SMAD9: variants seen among roughly 807,000 people sequenced by gnomAD.
SMAD9 encodes MAD homolog 9.
Under a neutral mutation model 46.1 loss-of-function variants are expected in SMAD9, and 36 were observed. That is an observed-to-expected ratio of 0.78 (90% CI 0.60 to 1.03). SMAD9 has a LOEUF of 1.03. SMAD9 is among the 50% of genes least tolerant of loss of function. The probability of loss-of-function intolerance (pLI) is 0.00; values close to 1 mark genes in which losing one functional copy is unlikely to be tolerated. For synonymous variants in SMAD9, 245 were observed against 237.1 expected, an observed-to-expected ratio of 1.03 and a Z score of -0.31; for missense variants, 572 against 599.8, an observed-to-expected ratio of 0.95 and a Z score of 0.48.
chr13:36,860,575 G>A (rs903072466), intron 5 of SMAD9, among the ~76,000 whole-genome samples: 3 of 151,074 alleles, frequency 2.0e-5, no homozygotes, highest in Admixed American at 6.6e-5. Context: ...TCAGCCTCCC[G>A]AGTAGCTGGG....
intron 3 of SMAD9, 59 bp downstream of exon 3, chr13:36,872,599 A>C (rs1203446801): frequency 1.3e-6 from 2 of 1,555,250 alleles, no homozygotes; most frequent in African/African-American, 2.7e-5. Context: ...TGTTCATCAT[A>C]AATCATGATG....
chr13:36,846,466 T>A lies in SMAD9; in HGVS notation c.*2210A>T. 1.3e-5 allele frequency: 1 copy of A among 77,554 alleles called. No homozygotes were observed. The highest frequency in any genetic ancestry group is 2.2e-4 in the Admixed American group (1 of 4,596). 4.8% of individuals were successfully genotyped at this position (77,554 alleles called of 1,614,324 possible). A position where few individuals can be genotyped will look rare whatever the true frequency, so the allele number is the denominator to read the frequency against. On this transcript the variant is annotated 3_prime_UTR_variant, in exon 7 of 7. Transcript: ENST00000379826. ...CTCTGGCCTGGTGACACAGCGAGAC[T>A]CCATCTCAAAAAAAAAAAAAAAAAA...
chr13:36,911,781 TC>T (rs924664454), intron 1 of SMAD9, among the ~76,000 whole-genome samples: 78 of 152,308 alleles, frequency 5.1e-4, no homozygotes, highest in African/African-American at 1.9e-3. Context: ...CAATCTCAGC[TC>T]ACTGCAACCT....
rs182137303 is a variant in SMAD9 at position 36,879,342 on chromosome 13, T to C, written c.348A>G (p.Pro116=). The C allele has an allele frequency of 5.3e-5, 86 of 1,614,126 alleles. No homozygotes were observed. In the East Asian group the frequency reaches 1.6e-3, roughly 29 times the overall value. Residue 116 remains proline (P), a synonymous_variant, in exon 2 of 7, where the codon CCA becomes CCG. Coordinates refer to ENST00000379826, the MANE Select transcript of SMAD9 (RefSeq NM_001127217.3). ...ACACTTCTTTCTGCTTGGAGCCAAA[T>C]GGGAACTCACAGCACTCCAGCGGCT... ...ELKPLECCEF[P]FGSKQKEVCI...
chr13:36,886,845 A>G (rs1413804588), intron 1 of SMAD9, among the ~76,000 whole-genome samples: 1 of 152,020 alleles, frequency 6.6e-6, no homozygotes, highest in Non-Finnish European at 1.5e-5. Context: ...GAAAAATGCC[A>G]AGAGGGTGGC....
At chr13:36,873,929 G>C (rs983138219) in intron 2 of SMAD9, among the ~76,000 whole-genome samples, 3 of 152,136 alleles carry the variant, frequency 2.0e-5, no homozygotes, top group Admixed American at 2.0e-4. Context: ...ATGCTTTTCT[G>C]GGTTTCATTT....
intron 1 of SMAD9, among the ~76,000 whole-genome samples, chr13:36,907,486 A>T (rs906497471): frequency 2.0e-5 from 3 of 152,254 alleles, no homozygotes; most frequent in East Asian, 3.9e-4. Flanking sequence ...TGGGCAACAG[A>T]GCGAGACCCC....
At position 36,847,326 on chromosome 13, in the gene SMAD9, A is replaced by G. The variant is rs1372031103; in HGVS notation, c.*1350T>C. 1.3e-5 allele frequency: 2 copies of G among 152,186 alleles called. No homozygotes were observed. Among genetic ancestry groups the G allele is most frequent in the Non-Finnish European group, 2.9e-5 (2 of 68,032 alleles). 9.4% of individuals were successfully genotyped at this position (152,186 alleles called of 1,614,324 possible). A position where few individuals can be genotyped will look rare whatever the true frequency, so the allele number is the denominator to read the frequency against. ...CATCTTAAATTGTACATTTTTAAAG[A>G]GGGTGTGAAATATTTTTCCAAGCAA... On this transcript the variant is annotated 3_prime_UTR_variant, in exon 7 of 7. Transcript: ENST00000379826.
chr13:36,917,064 C>A (rs1375841497), intron 1 of SMAD9, among the ~76,000 whole-genome samples: 1 of 152,086 alleles, frequency 6.6e-6, no homozygotes, highest in African/African-American at 2.4e-5. Flanking sequence ...GAGCAGAATA[C>A]AAGTCAGGCA....
intron 1 of SMAD9, among the ~76,000 whole-genome samples, chr13:36,891,757 T>C (rs1443650426): frequency 2.6e-5 from 4 of 152,140 alleles, no homozygotes; most frequent in African/African-American, 7.2e-5. Context: ...AGTCTGAAAA[T>C]GCAGTTATGG....
At chr13:36,868,884 A>T (rs1190128620) in intron 3 of SMAD9, among the ~76,000 whole-genome samples, 1 of 152,208 alleles carries the variant, frequency 6.6e-6, no homozygotes, top group African/African-American at 2.4e-5. Context: ...CCAACAGCTA[A>T]TGAATTGATT....
intron 2 of SMAD9, among the ~76,000 whole-genome samples, chr13:36,873,672 A>C (rs1468744958): frequency 1.3e-5 from 2 of 152,134 alleles, no homozygotes; most frequent in Non-Finnish European, 2.9e-5. Context: ...AGACCAGCCT[A>C]GCCAACGTGG....
chr13:36,905,361 CTTT>C (rs1328725842), intron 1 of SMAD9, among the ~76,000 whole-genome samples: 1 of 152,168 alleles, frequency 6.6e-6, no homozygotes, highest in Non-Finnish European at 1.5e-5. Context: ...TCTTACACTT[CTTT>C]TGAGTATCTT....
At chr13:36,907,695 A>C (rs2058629982) in intron 1 of SMAD9, among the ~76,000 whole-genome samples, 1 of 152,178 alleles carries the variant, frequency 6.6e-6, no homozygotes, top group East Asian at 1.9e-4. Flanking sequence ...AATAAATGTT[A>C]AAACGGTAAA....
chr13:36,903,917 A>G (rs2058598234), intron 1 of SMAD9, among the ~76,000 whole-genome samples: 1 of 152,196 alleles, frequency 6.6e-6, no homozygotes, highest in East Asian at 1.9e-4. Flanking sequence ...ATAAAGCTTA[A>G]GAAACTCATT....
chr13:36,848,396 C>T lies in SMAD9; in HGVS notation c.*280G>A, dbSNP rs368344224. 2.2e-6 allele frequency: 1 copy of T among 450,662 alleles called. No individual in the cohort carries two copies. Among genetic ancestry groups the T allele is most frequent in the Non-Finnish European group, 4.1e-6 (1 of 246,324 alleles). The allele number at this position is 450,662 out of a possible 1,614,324, so 27.9% of individuals were successfully genotyped here. A position where few individuals can be genotyped will look rare whatever the true frequency, so the allele number is the denominator to read the frequency against. On this transcript the variant is annotated 3_prime_UTR_variant, in exon 7 of 7. Transcript: ENST00000379826. ...AAAGCTGTCTTTTATTCTGCTAACA[C>T]CCTTCAAATACTGTTGACAATATCG... is the stretch of plus-strand genomic sequence containing the variant.
chr13:36,906,600 C>T (rs1056474419), intron 1 of SMAD9, among the ~76,000 whole-genome samples: 37 of 152,242 alleles, frequency 2.4e-4, no homozygotes, highest in African/African-American at 8.4e-4. Flanking sequence ...CTAGAATAGA[C>T]ACTTCTCCAA....
intron 3 of SMAD9, among the ~76,000 whole-genome samples, 180 bp downstream of exon 3, chr13:36,872,478 T>A (rs1398136436): frequency 4.6e-5 from 7 of 151,900 alleles, no homozygotes; most frequent in Non-Finnish European, 7.4e-5. Context: ...ACATGTTCTA[T>A]CTCCAGGGTA....
intron 1 of SMAD9, among the ~76,000 whole-genome samples, chr13:36,904,369 C>T (rs527929): frequency 0.24 from 37,082 of 152,068 alleles, 4,705 homozygotes; most frequent in African/African-American, 0.3. Flanking sequence ...TAAAATTGCA[C>T]GGCGCTGGGA....
Sources: gnomAD v4.1 joint callset for allele counts (sites outside exome capture counted in the v4.1 genomes callset) on GRCh38, gnomAD v4.1.1 for gene constraint, MANE v1.5 for transcripts, NCBI Gene and HGNC (gene_info 2026-07-23, HGNC 2026-07-21) for gene names.